The following HS3ST5 variants were observed in gnomAD, a reference collection of about 807,000 sequenced individuals.
HS3ST5 encodes heparan sulfate-glucosamine 3-sulfotransferase 5.
In HS3ST5, 10 loss-of-function variants were observed where a neutral mutation model predicts 25.4. That is an observed-to-expected ratio of 0.39 (90% CI 0.24 to 0.67). The LOEUF is 0.67. Among genes scored for constraint, HS3ST5 ranks in the 30% least tolerant of loss-of-function variants. The probability of loss-of-function intolerance (pLI) is 0.44; values close to 1 mark genes in which losing one functional copy is unlikely to be tolerated. For synonymous variants in HS3ST5, 170 were observed against 162.4 expected, an observed-to-expected ratio of 1.05 and a Z score of -0.36; for missense variants, 324 against 420.7, an observed-to-expected ratio of 0.77 and a Z score of 2.01.
chr6:114,194,637 T>C (rs1582702172), intron 2 of HS3ST5, among the ~76,000 whole-genome samples: 1 of 152,258 alleles, frequency 6.6e-6, no homozygotes, highest in East Asian at 1.9e-4. Context: ...GGATACACAG[T>C]GAGGGTTTTC....
intron 3 of HS3ST5, among the ~76,000 whole-genome samples, chr6:114,136,952 C>T (rs1180638086): frequency 6.6e-6 from 1 of 152,098 alleles, no homozygotes; most frequent in Non-Finnish European, 1.5e-5. Context: ...TGAAAAATTA[C>T]TTTTGGAGAG....
chr6:114,161,521 T>TA (rs1778947740), intron 3 of HS3ST5, among the ~76,000 whole-genome samples: 1 of 33,540 alleles, frequency 3.0e-5, no homozygotes, highest in Non-Finnish European at 5.6e-5. Flanking sequence ...TCCTGAAGTT[T>TA]TATATATATA....
intron 2 of HS3ST5, among the ~76,000 whole-genome samples, chr6:114,182,197 AACT>A (rs1780005210): frequency 6.6e-6 from 1 of 152,150 alleles, no homozygotes; most frequent in South Asian, 2.1e-4. Flanking sequence ...ATAAAATATA[AACT>A]ACTTATTTTG....
intron 1 of HS3ST5, among the ~76,000 whole-genome samples, chr6:114,254,368 A>G (rs1233359387): frequency 1.3e-5 from 2 of 152,242 alleles, no homozygotes; most frequent in African/African-American, 2.4e-5. Context: ...TGTTCTGGAC[A>G]CTTGAGTTGT....
chr6:114,130,071 G>A (rs1028773540), intron 3 of HS3ST5, among the ~76,000 whole-genome samples: 1 of 152,178 alleles, frequency 6.6e-6, no homozygotes, highest in African/African-American at 2.4e-5. Context: ...ATGAAACGAA[G>A]TATATAGATA....
intron 1 of HS3ST5, among the ~76,000 whole-genome samples, chr6:114,338,709 G>A (rs1407922631): frequency 6.6e-6 from 1 of 152,136 alleles, no homozygotes; most frequent in Non-Finnish European, 1.5e-5. Flanking sequence ...TCTGCTTAAA[G>A]GTTAAGATAA....
chr6:114,188,716 CT>C (rs1780349169), intron 2 of HS3ST5, among the ~76,000 whole-genome samples: 1 of 151,996 alleles, frequency 6.6e-6, no homozygotes, highest in Admixed American at 6.6e-5. Flanking sequence ...GGCTTTCGTT[CT>C]TTTTCACACT....
At chr6:114,140,562 A>G (rs1777853292) in intron 3 of HS3ST5, among the ~76,000 whole-genome samples, 1 of 152,190 alleles carries the variant, frequency 6.6e-6, no homozygotes, top group South Asian at 2.1e-4. Flanking sequence ...TGTATAATAA[A>G]TAAAGGCTTA....
intron 2 of HS3ST5, among the ~76,000 whole-genome samples, chr6:114,207,068 T>A (rs1312738837): frequency 6.6e-6 from 1 of 152,202 alleles, no homozygotes; most frequent in Non-Finnish European, 1.5e-5. Context: ...TCAATTCACA[T>A]TTCCCTTAGG....
intron 3 of HS3ST5, among the ~76,000 whole-genome samples, chr6:114,099,456 A>G (rs1173168731): frequency 6.6e-6 from 1 of 152,158 alleles, no homozygotes; most frequent in African/African-American, 2.4e-5. Flanking sequence ...ATTTCAGATC[A>G]TTGTTTTTCC....
intron 1 of HS3ST5, among the ~76,000 whole-genome samples, chr6:114,231,112 G>T (rs966342442): frequency 6.6e-6 from 1 of 151,984 alleles, no homozygotes; most frequent in African/African-American, 2.4e-5. Flanking sequence ...CATCCCCTTG[G>T]TACTGTTCTT....
intron 3 of HS3ST5, among the ~76,000 whole-genome samples, chr6:114,151,671 T>G (rs1778456148): frequency 6.6e-6 from 1 of 152,238 alleles, no homozygotes; most frequent in Admixed American, 6.5e-5. Context: ...GACAACCACT[T>G]GCTTCTGAGT....
intron 2 of HS3ST5, among the ~76,000 whole-genome samples, chr6:114,217,510 C>T (rs538704669): frequency 3.2e-4 from 48 of 152,180 alleles, no homozygotes; most frequent in African/African-American, 7.9e-4. Flanking sequence ...AAGCAGCAAT[C>T]GGAGTTCAAA....
In HS3ST5 at chr6:114,057,809, C is replaced by T. The variant is rs200057419; in HGVS notation, c.489G>A (p.Glu163=). 9.9e-6 allele frequency: 16 copies of T among 1,613,990 alleles called. No individual in the cohort carries two copies. Among genetic ancestry groups the T allele is most frequent in the African/African-American group, 1.3e-5 (1 of 74,872 alleles). ...IEKSPAYFIT[E]EVPERIYKMN... is the part of the protein sequence containing the mutation. The stretch of plus-strand genomic sequence containing the variant: ...TTTTGTAAATCCTTTCTGGAACCTC[C>T]TCTGTGATAAAATATGCTGGGCTCT... The change falls in exon 5 of 5, where the codon GAG becomes GAA. Residue 163 remains glutamate, a synonymous_variant. Transcript: ENST00000312719.
Position 114,057,538 on chromosome 6 carries a change from C to T in HS3ST5, c.760G>A (p.Asp254Asn), listed in dbSNP as rs750723182. 5.0e-6 allele frequency: 8 copies of T among 1,614,154 alleles called. No individual in the cohort carries two copies. In the Admixed American group the frequency reaches 8.3e-5, roughly 17 times the overall value. ...YFPIEQFHVV[D>N]GDRLITEPLP... ...GGTTCCGTGATGAGGCGATCTCCATCGACGACATGAAATTGCTCAATTGGA... is the reference window on the plus strand; with the variant it reads ...GGTTCCGTGATGAGGCGATCTCCATTGACGACATGAAATTGCTCAATTGGA... The change falls in exon 5 of 5, where the codon GAT (aspartate) becomes AAT (asparagine). Residue 254 changes from aspartate (D) to asparagine (N), a missense_variant. Physicochemically the swap from Asp to Asn is conservative, Grantham distance 23. This residue lies in a region of HS3ST5 where 203 missense variants were observed against 303.4 expected (regional missense o/e 0.67). Coordinates refer to ENST00000312719, the MANE Select transcript of HS3ST5 (RefSeq NM_153612.4).
chr6:114,196,206 T>TGA (rs1780746428), intron 2 of HS3ST5, among the ~76,000 whole-genome samples: 1 of 152,138 alleles, frequency 6.6e-6, no homozygotes, highest in Non-Finnish European at 1.5e-5. Context: ...GAACTCCGGG[T>TGA]GGTACTTCAC....
intron 2 of HS3ST5, among the ~76,000 whole-genome samples, chr6:114,186,684 T>C (rs568028453): frequency 1.3e-5 from 2 of 152,222 alleles, no homozygotes; most frequent in Non-Finnish European, 1.5e-5. Flanking sequence ...AAGGTAGCTA[T>C]GCTAAACAAT....
At chr6:114,245,567 G>A (rs1772338933) in intron 1 of HS3ST5, among the ~76,000 whole-genome samples, 1 of 152,054 alleles carries the variant, frequency 6.6e-6, no homozygotes, top group Admixed American at 6.6e-5. Flanking sequence ...CTGGTGTGGG[G>A]ACAGCCACAA....
intron 2 of HS3ST5, among the ~76,000 whole-genome samples, chr6:114,217,185 T>C (rs73540396): frequency 0.031 from 4,775 of 152,270 alleles, 191 homozygotes; most frequent in African/African-American, 0.091. Context: ...ACTTGTTGGG[T>C]GAGTTCAATT....
Sources: allele counts gnomAD v4.1 joint callset (sites outside exome capture counted in the v4.1 genomes callset), GRCh38; gene constraint gnomAD v4.1.1; regional missense constraint gnomAD v4.1.1; transcripts MANE v1.5; gene names NCBI Gene and HGNC (gene_info 2026-07-23, HGNC 2026-07-21).